The following SCMH1 variants were observed in gnomAD, a reference collection of about 807,000 sequenced individuals.
SCMH1 encodes polycomb protein SCMH1.
SCMH1 carries 37 observed loss-of-function variants against 70.8 expected under a neutral mutation model. The ratio of observed to expected loss-of-function variants is 0.52; its 90% CI spans 0.40 to 0.69. The LOEUF is 0.69. Among genes scored for constraint, SCMH1 ranks in the 30% least tolerant of loss-of-function variants. The pLI is 0.00. For missense variants in SCMH1, 607 were observed against 827.3 expected (o/e 0.73, Z 3.27); for synonymous variants, 292 against 307.4 (o/e 0.95, Z 0.52).
intron 4 of SCMH1, 78 bp downstream of exon 4, chr1:41,160,797 T>C: frequency 7.5e-7 from 1 of 1,331,240 alleles, no homozygotes; most frequent in Admixed American, 2.0e-5. Context: ...TTTTCCTCGT[T>C]GGTTAAAACT....
intron 5 of SCMH1, among the ~76,000 whole-genome samples, chr1:41,150,489 C>T (rs765258103): frequency 1.1e-4 from 16 of 151,900 alleles, no homozygotes; most frequent in Non-Finnish European, 1.8e-4. Flanking sequence ...GGTGACAGAG[C>T]GAGACTCTGT....
intron 1 of SCMH1, among the ~76,000 whole-genome samples, chr1:41,233,550 T>C (rs1182253201): frequency 6.6e-6 from 1 of 152,228 alleles, no homozygotes; most frequent in East Asian, 1.9e-4. Flanking sequence ...TTATATCTTC[T>C]TCATAATTAA....
intron 4 of SCMH1, among the ~76,000 whole-genome samples, chr1:41,153,876 A>G (rs1645285170): frequency 6.6e-6 from 1 of 152,240 alleles, no homozygotes; most frequent in East Asian, 1.9e-4. Context: ...TCCAAGCACT[A>G]AAGTAACCAC....
intron 8 of SCMH1, among the ~76,000 whole-genome samples, chr1:41,083,281 A>C (rs1276956138): frequency 6.6e-6 from 1 of 152,224 alleles, no homozygotes; most frequent in East Asian, 1.9e-4. Context: ...CCAAAGTCTC[A>C]GGTTACAAAA....
At chr1:41,118,176 C>T (rs1316273342) in intron 6 of SCMH1, among the ~76,000 whole-genome samples, 1 of 152,068 alleles carries the variant, frequency 6.6e-6, no homozygotes, top group Admixed American at 6.5e-5. Context: ...GGAGAAACAC[C>T]TCATTAGACA....
At chr1:41,049,121 G>A (rs1647176253) in intron 10 of SCMH1, among the ~76,000 whole-genome samples, 1 of 152,224 alleles carries the variant, frequency 6.6e-6, no homozygotes, top group Admixed American at 6.5e-5. Context: ...GACTGGAAGA[G>A]TGGCCCAGAC....
chr1:41,064,749 T>TA (rs199718906), intron 10 of SCMH1, among the ~76,000 whole-genome samples: 45 of 148,660 alleles, frequency 3.0e-4, no homozygotes, highest in African/African-American at 1.1e-3. Context: ...ACCATCTCTA[T>TA]AAAAAAAATA....
intron 4 of SCMH1, among the ~76,000 whole-genome samples, chr1:41,153,201 G>C (rs975667486): frequency 7.2e-5 from 11 of 152,176 alleles, no homozygotes; most frequent in Non-Finnish European, 1.3e-4. Context: ...CTGGCATCTA[G>C]AGCAGCACTG....
At chr1:41,058,378 GTTTT>G (rs548733204) in intron 10 of SCMH1, among the ~76,000 whole-genome samples, 11 of 81,638 alleles carry the variant, frequency 1.3e-4, no homozygotes, top group South Asian at 6.4e-4. Context: ...TTTCTTTCTT[GTTTT>G]TTTTTTTTTT....
At chr1:41,054,720 G>A (rs537482011) in intron 10 of SCMH1, among the ~76,000 whole-genome samples, 1 of 152,336 alleles carries the variant, frequency 6.6e-6, no homozygotes, top group East Asian at 1.9e-4. Flanking sequence ...TAAAAGACTT[G>A]TAGTTGTGGC....
In SCMH1 at chr1:41,028,737, G is replaced by A. The variant is rs1258838142; in HGVS notation, c.1679-11C>T. The A allele has an allele frequency of 6.2e-7, 1 of 1,613,606 alleles. No individual in the cohort carries two copies. The highest frequency in any genetic ancestry group is 1.3e-5 in the African/African-American group (1 of 74,922). ...GGTATCGGTCCGACCCTGCAGGACA[G>A]GAGGGCACCTACCATAAAGGGCGGG... On this transcript the variant is annotated splice_polypyrimidine_tract_variant and intron_variant, in intron 13 of 14. Coordinates refer to ENST00000337495, the Ensembl canonical transcript of SCMH1.
Position 41,087,342 on chromosome 1 carries a change from T to C in SCMH1, c.746-11891A>G, listed in dbSNP as rs139705446. On this transcript the variant is annotated intron_variant, in intron 8 of 14. Coordinates refer to ENST00000337495, the Ensembl canonical transcript of SCMH1. ...AAATTTAACTATAAAATTAAAACTT[T>C]TGCATGAGAAACAAATGAAAAACTA... Among the ~76,000 whole-genome samples, 1,047 of 152,162 alleles carry C rather than the reference T, an allele frequency of 6.9e-3. 12 individuals are homozygous for C. Among genetic ancestry groups the C allele is most frequent in the African/African-American group, 0.023 (938 of 41,536 alleles).
At chr1:41,161,655 C>CT (rs1267016487) in intron 2 of SCMH1, 1 of 167,462 alleles carries the variant, frequency 6.0e-6, no homozygotes, top group Non-Finnish European at 1.2e-5. Context: ...AAATAGAAGA[C>CT]TGATTAAGAT....
At chr1:41,089,787 C>CTTTTTTATTTTTTT in intron 8 of SCMH1, among the ~76,000 whole-genome samples, 1 of 58,752 alleles carries the variant, frequency 1.7e-5, no homozygotes, top group Admixed American at 2.4e-4. Context: ...CATGTTGTCT[C>CTTTTTTATTTTTTT]TTTTTTTTTT....
intron 2 of SCMH1, among the ~76,000 whole-genome samples, chr1:41,163,931 T>C (rs112858838): frequency 7.9e-5 from 12 of 152,338 alleles, no homozygotes; most frequent in Admixed American, 2.0e-4. Context: ...TATAATCTTA[T>C]ATATTTTCAA....
At chr1:41,062,740 GA>G (rs1292039887) in intron 10 of SCMH1, among the ~76,000 whole-genome samples, 87 of 98,156 alleles carry the variant, frequency 8.9e-4, no homozygotes, top group Admixed American at 1.5e-3. Context: ...CTCCATCTCA[GA>G]AAAAAAAAAA....
chr1:41,061,968 G>A (rs907181087), intron 10 of SCMH1, among the ~76,000 whole-genome samples: 1 of 152,012 alleles, frequency 6.6e-6, no homozygotes, highest in African/African-American at 2.4e-5. Context: ...AGGTTCAAGT[G>A]ATCCTCACAC....
At chr1:41,085,380 A>C (rs1661308037) in intron 8 of SCMH1, among the ~76,000 whole-genome samples, 1 of 152,214 alleles carries the variant, frequency 6.6e-6, no homozygotes, top group Non-Finnish European at 1.5e-5. Flanking sequence ...TAACATGATA[A>C]TACATATATG....
chr1:41,242,102 C>G lies in SCMH1; in HGVS notation c.-161G>C, dbSNP rs1441921138. 1.3e-5 allele frequency: 2 copies of G among 149,362 alleles called. No individual in the cohort carries two copies. The highest frequency in any genetic ancestry group is 1.5e-5 in the Non-Finnish European group (1 of 66,708). The allele number at this position is 149,362 out of a possible 1,614,324, so 9.3% of individuals were successfully genotyped here. On this transcript the variant is annotated 5_prime_UTR_variant, in exon 1 of 15. Transcript: ENST00000337495. This position sits in a 1 kb window ranked among gnomAD's most constrained non-coding sequence, Gnocchi z 5.2. ...CGCGGGGCGGCTCACTCTCTTCCCG[C>G]CGCCATGTTTCCGCTGCGCAGGGAG...
Sources: allele counts gnomAD v4.1 joint callset (sites outside exome capture counted in the v4.1 genomes callset), GRCh38; gene constraint gnomAD v4.1.1; non-coding constraint Gnocchi (gnomAD v3.1); transcripts MANE v1.5; gene names NCBI Gene and HGNC (gene_info 2026-07-23, HGNC 2026-07-21).